RXRA: variants seen among roughly 807,000 people sequenced by gnomAD.
RXRA encodes the protein retinoic acid receptor RXR-alpha.
Under a neutral mutation model 44.5 loss-of-function variants are expected in RXRA, and 5 were observed. That is an observed-to-expected ratio of 0.11 (90% CI 0.06 to 0.24). The LOEUF is 0.24. Ranked by LOEUF, RXRA falls within the 10% of genes least tolerant of loss-of-function variation. The pLI, the probability that RXRA is intolerant of heterozygous loss-of-function variation, is 1.00. For synonymous variants in RXRA, 291 were observed against 271.4 expected, an observed-to-expected ratio of 1.07 and a Z score of -0.71; for missense variants, 412 against 646.5, an observed-to-expected ratio of 0.64 and a Z score of 3.93.
At chr9:134,423,871 T>C in intron 6 of RXRA, 1 of 973,082 alleles carries the variant, frequency 1.0e-6, no homozygotes, top group Non-Finnish European at 1.2e-6. Flanking sequence ...AGGGCGGTGC[T>C]CCCACCCCAC....
intron 1 of RXRA, among the ~76,000 whole-genome samples, chr9:134,341,849 T>C (rs1319363645): frequency 1.3e-5 from 2 of 151,990 alleles, no homozygotes; most frequent in African/African-American, 4.8e-5. Flanking sequence ...CTGGGCGGTG[T>C]GGTCTTGGAG....
intron 1 of RXRA, among the ~76,000 whole-genome samples, chr9:134,361,073 A>T (rs1214850303): frequency 6.6e-6 from 1 of 152,150 alleles, no homozygotes; most frequent in Non-Finnish European, 1.5e-5. Flanking sequence ...CAGGCATCTT[A>T]TCTGATGGGC....
In RXRA at chr9:134,400,563, T is replaced by G. The variant is rs576380651; in HGVS notation, c.29-1069T>G. ...GGCAGTGCCTCCAGCTCCCGGCACT[T>G]GCTGCCGTCTGTGCTGCCTTGGGTG... is the stretch of plus-strand genomic sequence containing the variant. On this transcript the variant is annotated intron_variant, in intron 1 of 9. Coordinates refer to ENST00000481739, the MANE Select transcript of RXRA (RefSeq NM_002957.6). Among the ~76,000 whole-genome samples the G allele has an allele frequency of 2.6e-5, 4 of 152,298 alleles. No individual in the cohort carries two copies. In the East Asian group the frequency reaches 7.7e-4, roughly 29 times the overall value.
intron 1 of RXRA, among the ~76,000 whole-genome samples, chr9:134,367,989 G>A (rs1830434789): frequency 6.6e-6 from 1 of 152,242 alleles, no homozygotes; most frequent in Admixed American, 6.5e-5. Context: ...GCCGCTCCCT[G>A]CCTGCTCAGA....
At chr9:134,330,054 G>A (rs1187351989) in intron 1 of RXRA, among the ~76,000 whole-genome samples, 4 of 152,236 alleles carry the variant, frequency 2.6e-5, no homozygotes, top group Non-Finnish European at 5.9e-5. Context: ...TGCCTGGGGA[G>A]TTTCCTTTCT....
intron 1 of RXRA, among the ~76,000 whole-genome samples, chr9:134,388,369 C>G (rs1830752684): frequency 6.6e-6 from 1 of 152,118 alleles, no homozygotes; most frequent in South Asian, 2.1e-4. Context: ...GTCAGGCACT[C>G]TGAGCGTCTC....
rs1830099081 is a variant in RXRA, at chr9:134,342,585, G to A, written c.28+15926G>A. 6.6e-6 allele frequency among the ~76,000 whole-genome samples: 1 copy of A among 152,196 alleles called. No individual in the cohort carries two copies. The highest frequency in any genetic ancestry group is 2.4e-5 in the African/African-American group (1 of 41,450). The stretch of plus-strand genomic sequence containing the variant: ...AGGCAGAGTGGTAACAGCAAGCTGT[G>A]GGCAAGGGACTGCTTGGGAGCTGCT... On this transcript the variant is annotated intron_variant, in intron 1 of 9. Transcript: ENST00000481739. The surrounding 1 kb of genome is among the most constrained non-coding windows in gnomAD (Gnocchi z 4.4).
chr9:134,382,499 T>C (rs1830661578), intron 1 of RXRA, among the ~76,000 whole-genome samples: 1 of 152,174 alleles, frequency 6.6e-6, no homozygotes, highest in Non-Finnish European at 1.5e-5. Flanking sequence ...CCCTGGCTGC[T>C]GTCTTGGCTT....
At chr9:134,388,470 G>A (rs545068412) in intron 1 of RXRA, among the ~76,000 whole-genome samples, 1 of 152,282 alleles carries the variant, frequency 6.6e-6, no homozygotes, top group Admixed American at 6.5e-5. Context: ...TTGTATTTTT[G>A]GCTGCTGGAC....
At chr9:134,428,143 G>A (rs541415391) in intron 6 of RXRA, among the ~76,000 whole-genome samples, 1 of 152,192 alleles carries the variant, frequency 6.6e-6, no homozygotes, top group East Asian at 1.9e-4. Flanking sequence ...ATGTTGAGGG[G>A]CTGCTGTTAC....
rs571859629 is a variant in RXRA, at chr9:134,379,976, G to A, written c.29-21656G>A. 9 of 985,328 alleles carry A rather than the reference G, an allele frequency of 9.1e-6. No homozygotes were observed. The African/African-American group carries it at 1.6e-4, about 17-fold the overall frequency. 61.0% of individuals were successfully genotyped at this position (985,328 alleles called of 1,614,324 possible). On this transcript the variant is annotated intron_variant, in intron 1 of 9. Coordinates refer to ENST00000481739, the MANE Select transcript of RXRA (RefSeq NM_002957.6). ...TCCCCTGGGGGTTGGTGGAGGCCTC[G>A]GGGCTGTCGGAGCTTCAGGATTAGG...
intron 1 of RXRA, among the ~76,000 whole-genome samples, chr9:134,388,460 T>C (rs1337674890): frequency 6.6e-6 from 1 of 152,134 alleles, no homozygotes; most frequent in Non-Finnish European, 1.5e-5. Context: ...CCAGGGTCTG[T>C]TGTATTTTTG....
At chr9:134,385,637 G>A (rs1193991185) in intron 1 of RXRA, among the ~76,000 whole-genome samples, 2 of 152,226 alleles carry the variant, frequency 1.3e-5, no homozygotes, top group Non-Finnish European at 2.9e-5. Flanking sequence ...GAGGGCCTGC[G>A]CGAGCGGTGG....
chr9:134,360,784 G>T (rs1830341719), intron 1 of RXRA, among the ~76,000 whole-genome samples: 2 of 152,194 alleles, frequency 1.3e-5, no homozygotes, highest in Non-Finnish European at 2.9e-5. Flanking sequence ...GGGACTCATT[G>T]GATTGAGGGA....
At chr9:134,353,294 T>G (rs1308401844) in intron 1 of RXRA, among the ~76,000 whole-genome samples, 2 of 152,090 alleles carry the variant, frequency 1.3e-5, no homozygotes, top group Non-Finnish European at 2.9e-5. Context: ...GTATCCCTGG[T>G]GTGCAGAGGT....
chr9:134,364,140 T>C (rs953888278), intron 1 of RXRA, among the ~76,000 whole-genome samples: 12 of 152,138 alleles, frequency 7.9e-5, no homozygotes, highest in African/African-American at 2.9e-4. Flanking sequence ...TGCCCATTTC[T>C]TTTCCCCCCA....
intron 1 of RXRA, among the ~76,000 whole-genome samples, chr9:134,358,794 C>T (rs1038914716): frequency 2.6e-5 from 4 of 152,150 alleles, no homozygotes; most frequent in African/African-American, 7.2e-5. Context: ...GCTTTGGGAA[C>T]GTTGGCAGGT....
In RXRA at chr9:134,349,165, G is replaced by T. The variant is rs552359955; in HGVS notation, c.28+22506G>T. Among the ~76,000 whole-genome samples, 1 of 152,328 alleles carries T rather than the reference G, an allele frequency of 6.6e-6. No homozygotes were observed. The highest frequency in any genetic ancestry group is 1.9e-4 in the East Asian group (1 of 5,180). ...ACACTGCCCTGCCTCATGAGGGCCTGCACAGAGGGTCTTGCAGAAGAAGGG... is the reference window on the plus strand; with the variant it reads ...ACACTGCCCTGCCTCATGAGGGCCTTCACAGAGGGTCTTGCAGAAGAAGGG... On this transcript the variant is annotated intron_variant, in intron 1 of 9. Coordinates refer to ENST00000481739, the MANE Select transcript of RXRA (RefSeq NM_002957.6). This position sits in a 1 kb window ranked among gnomAD's most constrained non-coding sequence, Gnocchi z 4.3.
In RXRA at chr9:134,392,093, A is replaced by T. The variant is rs561902271; in HGVS notation, c.29-9539A>T. On this transcript the variant is annotated intron_variant, in intron 1 of 9. Coordinates refer to ENST00000481739, the MANE Select transcript of RXRA (RefSeq NM_002957.6). ...CCTGGCTTGGTGCAGTGTGCAGGGC[A>T]AGCCCCGGTGTCAGAGCCTCCATTT... 2.6e-5 allele frequency among the ~76,000 whole-genome samples: 4 copies of T among 152,324 alleles called. No homozygotes were observed. In the South Asian group the frequency reaches 6.2e-4, roughly 24 times the overall value.
Sources: allele counts gnomAD v4.1 joint callset (sites outside exome capture counted in the v4.1 genomes callset), GRCh38; gene constraint gnomAD v4.1.1; non-coding constraint Gnocchi (gnomAD v3.1); transcripts MANE v1.5; gene names NCBI Gene and HGNC (gene_info 2026-07-23, HGNC 2026-07-21).